LTK: variants seen among roughly 807,000 people sequenced by gnomAD.
LTK encodes the protein leukocyte tyrosine kinase receptor.
Under a neutral mutation model 101.5 loss-of-function variants are expected in LTK, and 117 were observed. The ratio of observed to expected loss-of-function variants is 1.15; its 90% CI spans 0.99 to 1.34. The LOEUF (loss-of-function observed/expected upper bound fraction) is 1.34. LTK is among the 40% of genes most tolerant of loss of function. The pLI is 0.00. For missense variants in LTK, 1,252 were observed against 1,164.7 expected (o/e 1.07, Z -1.09); for synonymous variants, 563 against 494.2 (o/e 1.14, Z -1.85).
At chr15:41,512,546 T>C (rs894153880) in intron 3 of LTK, among the ~76,000 whole-genome samples, 161 bp downstream of exon 3, 10 of 152,182 alleles carry the variant, frequency 6.6e-5, no homozygotes, top group African/African-American at 2.2e-4. Context: ...GGGTAAGGGC[T>C]AACTCGGTGG....
rs773138972 is a variant in LTK, at chr15:41,503,637, T to C, written c.*359A>G. On this transcript the variant is annotated 3_prime_UTR_variant, in exon 20 of 20. Coordinates refer to ENST00000263800, the MANE Select transcript of LTK (RefSeq NM_002344.6). ...CCGGTCCCTGGCATCCACAGATCGC[T>C]GGAGGATGAGAAGAGCTTTTTATTA... 1.0e-5 allele frequency: 6 copies of C among 577,528 alleles called. No homozygotes were observed. The highest frequency in any genetic ancestry group is 1.9e-5 in the Admixed American group (1 of 53,182). The allele number at this position is 577,528 out of a possible 1,614,324, so 35.8% of individuals were successfully genotyped here.
At chr15:41,510,934 G>C (rs1817536442) in intron 7 of LTK, among the ~76,000 whole-genome samples, 1 of 152,212 alleles carries the variant, frequency 6.6e-6, no homozygotes, top group Non-Finnish European at 1.5e-5. Flanking sequence ...GACCTGCTGT[G>C]ATGGGAAAGA....
rs1595452876 is a variant in LTK at position 41,503,939 on chromosome 15, G to A, written c.*57C>T. Reference sequence around the variant, plus strand: ...CATAACAGGCCACCCAGGAGCCTGAGGAGTATAGGGAGGGACCCTCAGTGC... The same window carrying A: ...CATAACAGGCCACCCAGGAGCCTGAAGAGTATAGGGAGGGACCCTCAGTGC... On this transcript the variant is annotated 3_prime_UTR_variant, in exon 20 of 20. Transcript: ENST00000263800. The A allele has an allele frequency of 6.6e-7, 1 of 1,520,740 alleles. No individual in the cohort carries two copies. Among genetic ancestry groups the A allele is most frequent in the South Asian group, 1.3e-5 (1 of 75,666 alleles). The allele number at this position is 1,520,740 out of a possible 1,614,324, so 94.2% of individuals were successfully genotyped here. A position where few individuals can be genotyped will look rare whatever the true frequency, so the allele number is the denominator to read the frequency against.
Position 41,505,467 on chromosome 15 carries a change from G to T in LTK, c.1761C>A (p.Leu587=). The change falls in exon 14 of 20, where the codon CTC becomes CTA. Residue 587 remains leucine (L), a synonymous_variant. Coordinates refer to ENST00000263800, the MANE Select transcript of LTK (RefSeq NM_002344.6). ...CTCCAGACATCAGTTCCAGCAGAAT[G>T]AGGCGAGGGGTGGCCCTGAGGCTGA... ...VGLSLRATPR[L]ILLELMSGGD... is the part of the protein sequence containing the mutation. 2 of 1,614,142 alleles carry T rather than the reference G, an allele frequency of 1.2e-6. No homozygotes were observed. Among genetic ancestry groups the T allele is most frequent in the Non-Finnish European group, 1.7e-6 (2 of 1,180,022 alleles).
At position 41,505,537 on chromosome 15, in the gene LTK, G is replaced by C. The variant is rs1386439467; in HGVS notation, c.1698-7C>G. 8 of 1,613,734 alleles carry C rather than the reference G, an allele frequency of 5.0e-6. No homozygotes were observed. The highest frequency in any genetic ancestry group is 5.9e-6 in the Non-Finnish European group (7 of 1,179,926). Reference sequence around the variant, plus strand: ...GTTCTGATGGCGAAACTTGCTGAGTGGGGTGGGGGACATATCCCGTTACCA... The same window carrying C: ...GTTCTGATGGCGAAACTTGCTGAGTCGGGTGGGGGACATATCCCGTTACCA... On this transcript the variant is annotated splice_polypyrimidine_tract_variant and splice_region_variant and intron_variant, in intron 13 of 19. Transcript: ENST00000263800.
Position 41,511,299 on chromosome 15 carries a change from G to C in LTK, c.862C>G (p.Arg288Gly). The C allele has an allele frequency of 1.4e-6, 2 of 1,380,682 alleles. No individual in the cohort carries two copies. Among genetic ancestry groups the C allele is most frequent in the Non-Finnish European group, 1.9e-6 (2 of 1,074,036 alleles). 85.5% of individuals were successfully genotyped at this position (1,380,682 alleles called of 1,614,324 possible). A position where few individuals can be genotyped will look rare whatever the true frequency, so the allele number is the denominator to read the frequency against. Reference protein sequence around the residue: ...TSRAPSPQAGRSLQEGAEGGQ... With the variant: ...TSRAPSPQAGGSLQEGAEGGQ... ...CCCTCCGCCCCCTCCTGCAGTGAGC[G>C]GCCGGCCTGCGGAGAGGGAGCCCGC... Residue 288 changes from arginine (R) to glycine (G), a missense_variant, in exon 7 of 20, where the codon CGC becomes GGC. Transcript: ENST00000263800. This position sits in a 1 kb window ranked among gnomAD's most constrained non-coding sequence, Gnocchi z 5.9.
chr15:41,512,271 G>T lies in LTK; in HGVS notation c.360-6C>A. The T allele has an allele frequency of 1.9e-6, 3 of 1,610,350 alleles. No homozygotes were observed. The highest frequency in any genetic ancestry group is 2.5e-6 in the Non-Finnish European group (3 of 1,178,488). On this transcript the variant is annotated splice_region_variant and splice_polypyrimidine_tract_variant and intron_variant, in intron 3 of 19. Transcript: ENST00000263800. ...CGGCTCCGTAGGCTGAGATCCTGCG[G>T]GGAACGGACGGTGAGTCCCCGGCCT... is the stretch of plus-strand genomic sequence containing the variant.
chr15:41,512,069 TCGCCCCCGGCGCCGGCGC>T, intron 4 of LTK, 28 bp downstream of exon 4: 2 of 1,517,032 alleles, frequency 1.3e-6, no homozygotes, highest in Non-Finnish European at 1.8e-6. Context: ...CAGGCAGCCC[TCGCCCCCGGCGCCGGCGC>T]CGCCCCATCC....
Position 41,513,042 on chromosome 15 carries a change from G to A in LTK, c.122C>T (p.Pro41Leu), listed in dbSNP as rs772264247. The part of the protein sequence containing the change: ...SSPLPLASPS[P>L]RDPKVSAPPS... Reference sequence around the variant, plus strand: ...CGGGGCGCTGACTTTCGGGTCCCGGGGGCTGGGACTTGCCAGCGGCAGGGG... The same window carrying A: ...CGGGGCGCTGACTTTCGGGTCCCGGAGGCTGGGACTTGCCAGCGGCAGGGG... Residue 41 changes from proline (P) to leucine (L), a missense_variant, in exon 2 of 20, where the codon CCC becomes CTC. Physicochemically the swap from Pro to Leu is moderately conservative, Grantham distance 98. Transcript: ENST00000263800. 1.6e-5 allele frequency: 26 copies of A among 1,612,400 alleles called. No homozygotes were observed. The highest frequency in any genetic ancestry group is 4.4e-5 in the South Asian group (4 of 90,988).
At position 41,512,793 on chromosome 15, in the gene LTK, C is replaced by T; in HGVS notation, c.273G>A (p.Ala91=). ...CCACGGTCACCACCACGCTGGTCCC[C>T]GCGTACGCCCCGTCACATTGTGTCT... ...PTQTQCDGAY[A]GTSVVVTVGA... is the part of the protein sequence containing the mutation. Residue 91 remains alanine, a synonymous_variant, in exon 3 of 20, where the codon GCG becomes GCA. Transcript: ENST00000263800. 1.2e-6 allele frequency: 2 copies of T among 1,612,288 alleles called. No homozygotes were observed. The highest frequency in any genetic ancestry group is 4.5e-5 in the East Asian group (2 of 44,854).
Position 41,513,781 on chromosome 15 carries a change from G to A in LTK, c.-72C>T. 1.5e-6 allele frequency: 2 copies of A among 1,369,384 alleles called. No homozygotes were observed. Among genetic ancestry groups the A allele is most frequent in the Non-Finnish European group, 2.1e-6 (2 of 957,834 alleles). The allele number at this position is 1,369,384 out of a possible 1,614,324, so 84.8% of individuals were successfully genotyped here. A position where few individuals can be genotyped will look rare whatever the true frequency, so the allele number is the denominator to read the frequency against. ...CACCCCTGTCAACCTAAAGTTGACA[G>A]CTCATTTTGCCACGGCAGCCCTGGC... On this transcript the variant is annotated 5_prime_UTR_variant, in exon 1 of 20. Coordinates refer to ENST00000263800, the MANE Select transcript of LTK (RefSeq NM_002344.6).
Position 41,505,471 on chromosome 15 carries a change from C to T in LTK, c.1757G>A (p.Arg586His), listed in dbSNP as rs144858308. 284 of 1,614,028 alleles carry T rather than the reference C, an allele frequency of 1.8e-4. 1 individual carries two copies. The highest frequency in any genetic ancestry group is 9.1e-4 in the East Asian group (41 of 44,880). The change falls in exon 14 of 20, where the codon CGC (arginine) becomes CAC (histidine). Residue 586 changes from arginine (R) to histidine (H), a missense_variant. Transcript: ENST00000263800. The stretch of plus-strand genomic sequence containing the variant: ...AGACATCAGTTCCAGCAGAATGAGG[C>T]GAGGGGTGGCCCTGAGGCTGAGCCC... ...CVGLSLRATP[R>H]LILLELMSGG...
In LTK at chr15:41,513,663, T is replaced by A. The variant is rs1742814997; in HGVS notation, c.43+4A>T. The A allele has an allele frequency of 1.2e-6, 2 of 1,613,210 alleles. No homozygotes were observed. The highest frequency in any genetic ancestry group is 1.7e-6 in the Non-Finnish European group (2 of 1,179,858). On this transcript the variant is annotated splice_donor_region_variant and intron_variant, in intron 1 of 19. Coordinates refer to ENST00000263800, the MANE Select transcript of LTK (RefSeq NM_002344.6). Reference sequence around the variant, plus strand: ...CGGTCCCCTGACCGCCAGATAGCACTTACCCGCGGCTCCGAACCACACCAG... The same window carrying A: ...CGGTCCCCTGACCGCCAGATAGCACATACCCGCGGCTCCGAACCACACCAG...
In LTK at chr15:41,513,665, AC is replaced by A. The variant is rs2051569713; in HGVS notation, c.43+1del. 13 of 1,612,558 alleles carry A rather than the reference AC, an allele frequency of 8.1e-6. No homozygotes were observed. Among genetic ancestry groups the A allele is most frequent in the Non-Finnish European group, 1.0e-5 (12 of 1,179,542 alleles). The stretch of plus-strand genomic sequence containing the variant: ...GTCCCCTGACCGCCAGATAGCACTT[AC>A]CCGCGGCTCCGAACCACACCAGCAG... On this transcript the variant is annotated splice_donor_variant, in intron 1 of 19. Transcript: ENST00000263800. LOFTEE classifies it high-confidence loss of function.
Position 41,511,835 on chromosome 15 carries a change from G to GCCCCCCCCCC in LTK, c.638_639insGGGGGGGGGG (p.Ala214GlyfsTer130). The GCCCCCCCCCC allele has an allele frequency of 6.8e-7, 1 of 1,477,326 alleles. No individual in the cohort carries two copies. The highest frequency in any genetic ancestry group is 8.9e-7 in the Non-Finnish European group (1 of 1,122,392). The allele number at this position is 1,477,326 out of a possible 1,614,324, so 91.5% of individuals were successfully genotyped here. On this transcript the variant is annotated frameshift_variant, in exon 5 of 20. Transcript: ENST00000263800. LOFTEE classifies it high-confidence loss of function. The surrounding 1 kb of genome is among the most constrained non-coding windows in gnomAD (Gnocchi z 5.9). ...CACGTACCCGGAAAACGTAGGTGGC[G>GCCCCCCCCCC]CCCCCGCCACCCCCGCCACCTCCCG...
rs773974334 is a variant in LTK at position 41,504,902 on chromosome 15, G to T, written c.2019-28C>A. ...ACAGGAGGGAGGAGGTGAATGATGA[G>T]TTGTTCACCACCAAGGTGCGGGGAA... is the stretch of plus-strand genomic sequence containing the variant. On this transcript the variant is annotated intron_variant, in intron 16 of 19. Coordinates refer to ENST00000263800, the MANE Select transcript of LTK (RefSeq NM_002344.6). 5.6e-6 allele frequency: 9 copies of T among 1,600,942 alleles called. No individual in the cohort carries two copies. In the East Asian group the frequency reaches 2.0e-4, roughly 36 times the overall value.
chr15:41,512,175 G>A lies in LTK; in HGVS notation c.450C>T (p.Leu150=). ...GGATGTACAGCGACTCCCCGAGACC[G>A]AGGGAGAAGATTGCTGAGACGAAGA... ...HGVFVSAIFS[L]GLGESLYILV... is the part of the protein sequence containing the mutation. The change falls in exon 4 of 20, where the codon CTC becomes CTT. Residue 150 remains leucine (L), a synonymous_variant. Coordinates refer to ENST00000263800, the MANE Select transcript of LTK (RefSeq NM_002344.6). 1 of 1,613,076 alleles carries A rather than the reference G, an allele frequency of 6.2e-7. No homozygotes were observed. The highest frequency in any genetic ancestry group is 8.5e-7 in the Non-Finnish European group (1 of 1,179,778).
At position 41,505,077 on chromosome 15, in the gene LTK, C is replaced by G; in HGVS notation, c.1926-13G>C. On this transcript the variant is annotated splice_polypyrimidine_tract_variant and intron_variant, in intron 15 of 19. Transcript: ENST00000263800. Reference sequence around the variant, plus strand: ...GGCGGCAATATCCCTACAGAGTAGGCAAAAAAAATCACTGCCAGAATCTAG... The same window carrying G: ...GGCGGCAATATCCCTACAGAGTAGGGAAAAAAAATCACTGCCAGAATCTAG... 6.3e-7 allele frequency: 1 copy of G among 1,595,894 alleles called. No individual in the cohort carries two copies. Among genetic ancestry groups the G allele is most frequent in the Non-Finnish European group, 8.6e-7 (1 of 1,169,562 alleles).
chr15:41,511,806 G>T lies in LTK; in HGVS notation c.657+11C>A. 6.7e-7 allele frequency: 1 copy of T among 1,489,178 alleles called. No homozygotes were observed. Among genetic ancestry groups the T allele is most frequent in the Non-Finnish European group, 8.9e-7 (1 of 1,129,688 alleles). 92.2% of individuals were successfully genotyped at this position (1,489,178 alleles called of 1,614,324 possible). ...GGGACCCCAACGCTGAGCGCCGAAG[G>T]GAGCACGTACCCGGAAAACGTAGGT... is the stretch of plus-strand genomic sequence containing the variant. On this transcript the variant is annotated intron_variant, in intron 5 of 19. Coordinates refer to ENST00000263800, the MANE Select transcript of LTK (RefSeq NM_002344.6). This position sits in a 1 kb window ranked among gnomAD's most constrained non-coding sequence, Gnocchi z 5.9.
Sources: allele counts gnomAD v4.1 joint callset (sites outside exome capture counted in the v4.1 genomes callset), GRCh38; gene constraint gnomAD v4.1.1; non-coding constraint Gnocchi (gnomAD v3.1); transcripts MANE v1.5; gene names NCBI Gene and HGNC (gene_info 2026-07-23, HGNC 2026-07-21).